Variants in ATP8A2 observed in about 807,000 individuals in gnomAD.
ATP8A2 encodes the protein ATPase phospholipid transporting 8A2, also known as phospholipid-transporting ATPase IB.
Under a neutral mutation model 165.6 loss-of-function variants are expected in ATP8A2, and 100 were observed. The observed-to-expected ratio is 0.60, with a 90% CI of 0.51 to 0.71. The LOEUF is 0.71. ATP8A2 is among the 30% of genes least tolerant of loss of function. The pLI, the probability that ATP8A2 is intolerant of heterozygous loss-of-function variation, is 0.00. For synonymous variants in ATP8A2, 543 were observed against 548.8 expected (o/e 0.99, Z 0.15); for missense variants, 1,227 against 1,479.5 (o/e 0.83, Z 2.80).
intron 24 of ATP8A2, among the ~76,000 whole-genome samples, chr13:25,648,367 C>T (rs559394112): frequency 2.6e-5 from 4 of 152,254 alleles, no homozygotes; most frequent in East Asian, 1.9e-4. Flanking sequence ...TAAGTCTCTT[C>T]TATAAAATGG....
intron 24 of ATP8A2, among the ~76,000 whole-genome samples, chr13:25,695,569 G>A (rs1169236492): frequency 1.3e-5 from 2 of 152,216 alleles, no homozygotes; most frequent in East Asian, 3.8e-4. Flanking sequence ...CTAAGTTTAT[G>A]TCATGTGCTA....
intron 21 of ATP8A2, 29 bp downstream of exon 21, chr13:25,578,928 G>A: frequency 7.1e-7 from 1 of 1,414,106 alleles, no homozygotes; most frequent in Non-Finnish European, 1.0e-6. Flanking sequence ...TGCTGTTTTT[G>A]GCCATTGGAG....
chr13:25,609,142 C>T (rs547912893), intron 24 of ATP8A2, among the ~76,000 whole-genome samples: 2 of 151,624 alleles, frequency 1.3e-5, no homozygotes, highest in South Asian at 4.2e-4. Flanking sequence ...AAGAGAAGAT[C>T]AACAAAACCA....
At chr13:25,777,899 GC>G (rs943645403) in intron 27 of ATP8A2, among the ~76,000 whole-genome samples, 11 of 152,130 alleles carry the variant, frequency 7.2e-5, no homozygotes, top group African/African-American at 2.7e-4. Flanking sequence ...CTCCACTCTC[GC>G]CCCCAAACCT....
intron 27 of ATP8A2, among the ~76,000 whole-genome samples, chr13:25,814,539 G>A (rs1163500505): frequency 6.7e-6 from 1 of 149,362 alleles, no homozygotes; most frequent in Non-Finnish European, 1.5e-5. Context: ...TAGACCCAAT[G>A]GAATAGAATA....
intron 4 of ATP8A2, 47 bp from the exon 5 acceptor site, chr13:25,532,225 A>G: frequency 2.8e-6 from 4 of 1,448,942 alleles, no homozygotes; most frequent in Non-Finnish European, 3.9e-6. Flanking sequence ...TCAATTATTC[A>G]TGTGGAACTT....
chr13:25,856,688 T>C (rs888914295), intron 30 of ATP8A2, among the ~76,000 whole-genome samples: 7 of 152,228 alleles, frequency 4.6e-5, no homozygotes, highest in Non-Finnish European at 8.8e-5. Context: ...CCACTATGTT[T>C]TTCCAAAAAT....
chr13:25,646,389 A>G (rs2041670645), intron 24 of ATP8A2, among the ~76,000 whole-genome samples: 1 of 152,044 alleles, frequency 6.6e-6, no homozygotes, highest in Non-Finnish European at 1.5e-5. Flanking sequence ...GGTGGCTCAC[A>G]CCTGTAATCC....
intron 10 of ATP8A2, among the ~76,000 whole-genome samples, chr13:25,549,292 T>C (rs973005069): frequency 2.6e-5 from 4 of 152,054 alleles, no homozygotes; most frequent in African/African-American, 7.2e-5. Flanking sequence ...ACCCCATTTC[T>C]ACTAAAAATA....
chr13:25,769,043 CAG>C lies in ATP8A2; in HGVS notation c.2385_2386del, dbSNP rs749776417. The stretch of plus-strand genomic sequence containing the variant: ...GCTCTGATTTCCCTCTCTTTTCTCA[CAG>C]AGTGTCTCCTCTGCAGAAGTCTGAG... On this transcript the variant is annotated splice_acceptor_variant, in intron 25 of 36. Coordinates refer to ENST00000381655, the MANE Select transcript of ATP8A2 (RefSeq NM_016529.6). LOFTEE classifies it high-confidence loss of function. 4 of 1,613,806 alleles carry C rather than the reference CAG, an allele frequency of 2.5e-6. No homozygotes were observed. Among genetic ancestry groups the C allele is most frequent in the African/African-American group, 2.7e-5 (2 of 74,916 alleles).
At position 25,543,409 on chromosome 13, in the gene ATP8A2, C is replaced by T. The variant is rs1261342503; in HGVS notation, c.891+7C>T. The T allele has an allele frequency of 6.6e-7, 1 of 1,522,526 alleles. No individual in the cohort carries two copies. The highest frequency in any genetic ancestry group is 1.2e-5 in the South Asian group (1 of 86,568). 94.3% of individuals were successfully genotyped at this position (1,522,526 alleles called of 1,614,324 possible). On this transcript the variant is annotated splice_region_variant and intron_variant, in intron 10 of 36. Coordinates refer to ENST00000381655, the MANE Select transcript of ATP8A2 (RefSeq NM_016529.6). ...CGACACCAAACTCATGCAGGTAAAACATTTCTATGCTGATTTCAGTCTTTT... is the reference window on the plus strand; with the variant it reads ...CGACACCAAACTCATGCAGGTAAAATATTTCTATGCTGATTTCAGTCTTTT...
chr13:25,418,971 T>C (rs1224424286), intron 1 of ATP8A2, among the ~76,000 whole-genome samples: 1 of 150,822 alleles, frequency 6.6e-6, no homozygotes, highest in Non-Finnish European at 1.5e-5. Flanking sequence ...CTTAAGGTAG[T>C]GGGCTGGAAG....
intron 35 of ATP8A2, among the ~76,000 whole-genome samples, chr13:25,982,150 T>G (rs571704737): frequency 6.6e-6 from 1 of 152,348 alleles, no homozygotes; most frequent in East Asian, 1.9e-4. Flanking sequence ...TTTGCCCTTC[T>G]TGCTCTGTCT....
chr13:25,452,621 T>C (rs1285240312), intron 1 of ATP8A2, among the ~76,000 whole-genome samples: 1 of 152,208 alleles, frequency 6.6e-6, no homozygotes, highest in African/African-American at 2.4e-5. Flanking sequence ...TTGTATGTTA[T>C]ATTAGACATT....
chr13:25,419,055 G>A (rs535230426), intron 1 of ATP8A2, among the ~76,000 whole-genome samples: 1 of 152,322 alleles, frequency 6.6e-6, no homozygotes, highest in South Asian at 2.1e-4. Flanking sequence ...GGCCATGTGT[G>A]TGCATATGTG....
Position 25,923,180 on chromosome 13 carries a change from C to T in ATP8A2, c.3184-38395C>T, listed in dbSNP as rs77613719. Among the ~76,000 whole-genome samples the T allele has an allele frequency of 1.2e-4, 18 of 152,316 alleles. No homozygotes were observed. In the East Asian group the frequency reaches 3.5e-3, roughly 29 times the overall value. The stretch of plus-strand genomic sequence containing the variant: ...ATTGCAATTATCATATTTAGCCTAA[C>T]AATACCAGTCAAGTTTCCCCTTCCC... On this transcript the variant is annotated intron_variant, in intron 33 of 36. Coordinates refer to ENST00000381655, the MANE Select transcript of ATP8A2 (RefSeq NM_016529.6).
chr13:25,890,969 T>A (rs1953342356), intron 33 of ATP8A2, among the ~76,000 whole-genome samples: 1 of 152,170 alleles, frequency 6.6e-6, no homozygotes, highest in Non-Finnish European at 1.5e-5. Context: ...GGGTCTGTGA[T>A]GATAAAAGGG....
chr13:25,556,524 G>A (rs776616619), intron 13 of ATP8A2, among the ~76,000 whole-genome samples: 12 of 151,944 alleles, frequency 7.9e-5, no homozygotes, highest in Admixed American at 1.3e-4. Flanking sequence ...GACCTTTGTC[G>A]GATGTATAAT....
At chr13:25,774,261 G>C (rs756084703) in intron 26 of ATP8A2, among the ~76,000 whole-genome samples, 1 of 152,158 alleles carries the variant, frequency 6.6e-6, no homozygotes, top group Non-Finnish European at 1.5e-5. Context: ...CCTTTGCAGA[G>C]ACTTGGATGG....
Sources: allele counts gnomAD v4.1 joint callset (sites outside exome capture counted in the v4.1 genomes callset), GRCh38; gene constraint gnomAD v4.1.1; transcripts MANE v1.5; gene names NCBI Gene and HGNC (gene_info 2026-07-23, HGNC 2026-07-21).